VGLL4: variants seen among roughly 807,000 people sequenced by gnomAD.
VGLL4 encodes the protein transcription cofactor vestigial-like protein 4.
A neutral mutation model predicts 21.0 loss-of-function variants in VGLL4; 7 were observed. The ratio of observed to expected loss-of-function variants is 0.33; its 90% confidence interval spans 0.19 to 0.63. The LOEUF (loss-of-function observed/expected upper bound fraction) is 0.63, where lower values mean the gene tolerates loss of function less well. Among genes scored for constraint, VGLL4 ranks in the 20% least tolerant of loss-of-function variants. The pLI is 0.78. For missense variants in VGLL4, 394 were observed against 425.7 expected (o/e 0.93, Z 0.66); for synonymous variants, 222 against 173.2 (o/e 1.28, Z -2.21).
intron 1 of VGLL4, among the ~76,000 whole-genome samples, chr3:11,602,419 T>A (rs2074828360): frequency 6.6e-6 from 1 of 152,144 alleles, no homozygotes; most frequent in South Asian, 2.1e-4. Context: ...GAAACCACTA[T>A]GCCCAACTCA....
At chr3:11,606,895 T>A (rs9855784) in intron 1 of VGLL4, among the ~76,000 whole-genome samples, 2 of 152,190 alleles carry the variant, frequency 1.3e-5, no homozygotes, top group Admixed American at 1.3e-4. Flanking sequence ...TCACTCTTTG[T>A]GTCCGTGCCA....
In VGLL4 at chr3:11,565,102, CTTAT is replaced by C; in HGVS notation, c.273-87_273-84del. 7.7e-7 allele frequency: 1 copy of C among 1,293,002 alleles called. No individual in the cohort carries two copies. Among genetic ancestry groups the C allele is most frequent in the Non-Finnish European group, 1.0e-6 (1 of 991,328 alleles). The allele number at this position is 1,293,002 out of a possible 1,614,324, so 80.1% of individuals were successfully genotyped here. On this transcript the variant is annotated intron_variant, in intron 2 of 4. Coordinates refer to ENST00000430365, the MANE Select transcript of VGLL4 (RefSeq NM_001128219.3). The surrounding 1 kb of genome is among the most constrained non-coding windows in gnomAD (Gnocchi z 4.1). ...ACTGTGCGCCAGGCACTCCGTGTTG[CTTAT>C]TTAATTTTTTACCCTGAAGCTCAGG... is the stretch of plus-strand genomic sequence containing the variant.
At chr3:11,695,874 G>A (rs148761311) in intron 2 of VGLL4, among the ~76,000 whole-genome samples, 119 of 152,244 alleles carry the variant, frequency 7.8e-4, no homozygotes, top group Non-Finnish European at 9.9e-4. Context: ...CAAACTATCC[G>A]AAATGATCAC....
intron 3 of VGLL4, among the ~76,000 whole-genome samples, chr3:11,562,308 G>A (rs2073094334): frequency 6.6e-6 from 1 of 152,134 alleles, no homozygotes; most frequent in Non-Finnish European, 1.5e-5. Context: ...GAAATGGGGG[G>A]ACACTTTCTG....
intron 2 of VGLL4, among the ~76,000 whole-genome samples, chr3:11,694,269 C>T (rs1478316767): frequency 6.6e-6 from 1 of 152,160 alleles, no homozygotes; most frequent in Non-Finnish European, 1.5e-5. Context: ...TGGCTAGGTG[C>T]TATGTCACCA....
intron 2 of VGLL4, among the ~76,000 whole-genome samples, chr3:11,567,077 AG>A (rs140794671): frequency 0.013 from 1,911 of 152,182 alleles, 46 homozygotes; most frequent in African/African-American, 0.044. Flanking sequence ...GAAGCACCAG[AG>A]GGGGCCTGAG....
intron 2 of VGLL4, among the ~76,000 whole-genome samples, chr3:11,697,111 G>A (rs111279449): frequency 2.5e-4 from 38 of 152,014 alleles, no homozygotes; most frequent in Non-Finnish European, 3.1e-4. Context: ...ATATGAAATG[G>A]CTTTTTTGAG....
At chr3:11,634,729 G>A (rs1027141223) in intron 1 of VGLL4, among the ~76,000 whole-genome samples, 3 of 151,802 alleles carry the variant, frequency 2.0e-5, no homozygotes, top group Non-Finnish European at 4.4e-5. Context: ...CCAGGCCAGA[G>A]TGCGGTGGGA....
intron 1 of VGLL4, among the ~76,000 whole-genome samples, chr3:11,637,225 G>A (rs569991296): frequency 3.9e-5 from 6 of 152,246 alleles, no homozygotes; most frequent in African/African-American, 9.6e-5. Flanking sequence ...CATAGTCACC[G>A]GGTTGTTCAT....
chr3:11,705,147 C>T lies in VGLL4; in HGVS notation c.-13-2100G>A, dbSNP rs191427349. ...ACACGCATTAAGGAGCCACTGAAAA[C>T]TCCATCTAAGCAGAAAAGCGGCTTA... is the stretch of plus-strand genomic sequence containing the variant. On this transcript the variant is annotated intron_variant, in intron 1 of 5. Coordinates refer to the VGLL4 transcript ENST00000273038. Among the ~76,000 whole-genome samples, 15 of 152,358 alleles carry T rather than the reference C, an allele frequency of 9.8e-5. No homozygotes were observed. In the East Asian group the frequency reaches 1.7e-3, roughly 18 times the overall value.
intron 1 of VGLL4, among the ~76,000 whole-genome samples, chr3:11,713,531 A>C (rs756288443): frequency 2.2e-4 from 32 of 147,464 alleles, no homozygotes; most frequent in Non-Finnish European, 2.8e-4. Context: ...TTCATGTTCT[A>C]TATCTACCTC....
Position 11,558,305 on chromosome 3 carries a change from A to C in VGLL4, c.*251T>G. 1.7e-6 allele frequency: 1 copy of C among 593,980 alleles called. No individual in the cohort carries two copies. Among genetic ancestry groups the C allele is most frequent in the East Asian group, 2.9e-5 (1 of 34,378 alleles). The allele number at this position is 593,980 out of a possible 1,614,324, so 36.8% of individuals were successfully genotyped here. A position where few individuals can be genotyped will look rare whatever the true frequency, so the allele number is the denominator to read the frequency against. On this transcript the variant is annotated 3_prime_UTR_variant, in exon 5 of 5. Coordinates refer to ENST00000430365, the MANE Select transcript of VGLL4 (RefSeq NM_001128219.3). ...CAGAGGTTTCTTTGGTAACTGAGGC[A>C]GGAAGTAAGGATGCTACATTAGACA...
chr3:11,612,262 TAG>T, intron 1 of VGLL4: 1 of 152,334 alleles, frequency 6.6e-6, no homozygotes, highest in South Asian at 2.1e-4. Flanking sequence ...TCAGGGCTAA[TAG>T]AAGTCCCTGC....
chr3:11,564,025 G>A lies in VGLL4; in HGVS notation c.495+772C>T, dbSNP rs529814555. Among the ~76,000 whole-genome samples, 6 of 152,280 alleles carry A rather than the reference G, an allele frequency of 3.9e-5. No homozygotes were observed. In the East Asian group the frequency reaches 1.2e-3, roughly 30 times the overall value. ...CACAGAGCCCGGAGGCACCCCCTCGGGGCACGGCACCATCCTCTCTGTCAG... is the reference window on the plus strand; with the variant it reads ...CACAGAGCCCGGAGGCACCCCCTCGAGGCACGGCACCATCCTCTCTGTCAG... On this transcript the variant is annotated intron_variant, in intron 3 of 4. Coordinates refer to ENST00000430365, the MANE Select transcript of VGLL4 (RefSeq NM_001128219.3).
At chr3:11,577,305 A>T (rs934226467) in intron 2 of VGLL4, among the ~76,000 whole-genome samples, 1 of 152,212 alleles carries the variant, frequency 6.6e-6, no homozygotes, top group Non-Finnish European at 1.5e-5. Flanking sequence ...AAATATTATA[A>T]AACTGTTTAG....
chr3:11,651,172 A>C lies in VGLL4; in HGVS notation c.65-49150T>G, dbSNP rs541278901. ...AGCCTGACTAACATATTGAAAACCC[A>C]TCTCTCCTAAATACAAAAAAATTAG... On this transcript the variant is annotated intron_variant, in intron 2 of 5. Transcript: ENST00000273038. Among the ~76,000 whole-genome samples the C allele has an allele frequency of 8.5e-5, 13 of 152,122 alleles. No homozygotes were observed. The East Asian group carries it at 2.5e-3, about 29-fold the overall frequency.
chr3:11,699,557 A>C (rs918432016), intron 2 of VGLL4: 2 of 152,234 alleles, frequency 1.3e-5, no homozygotes, highest in African/African-American at 4.8e-5. Context: ...CTGTAATCAC[A>C]GCAGTTTGGG....
At chr3:11,707,000 G>A (rs1259123273) in intron 1 of VGLL4, among the ~76,000 whole-genome samples, 1 of 152,106 alleles carries the variant, frequency 6.6e-6, no homozygotes, top group East Asian at 1.9e-4. Flanking sequence ...CCCGTGACAT[G>A]ATGTTCACAC....
intron 2 of VGLL4, among the ~76,000 whole-genome samples, chr3:11,692,741 G>GT (rs1559947888): frequency 3.3e-5 from 5 of 150,280 alleles, no homozygotes; most frequent in African/African-American, 9.8e-5. Context: ...TGGTTTTTTT[G>GT]AGGGGGGGTG....
Sources: allele counts gnomAD v4.1 joint callset (sites outside exome capture counted in the v4.1 genomes callset), GRCh38; gene constraint gnomAD v4.1.1; non-coding constraint Gnocchi (gnomAD v3.1); transcripts MANE v1.5; gene names NCBI Gene and HGNC (gene_info 2026-07-23, HGNC 2026-07-21).